MS4A5: variants seen among roughly 807,000 people sequenced by gnomAD.
MS4A5 encodes the protein membrane spanning 4-domains A5.
MS4A5 carries 15 observed loss-of-function variants against 18.2 expected under a neutral mutation model. That is an observed-to-expected ratio of 0.83 (90% CI 0.55 to 1.27). MS4A5 has a LOEUF of 1.27. Ranked by LOEUF, MS4A5 falls within the 50% of genes most tolerant of loss-of-function variation. The probability of loss-of-function intolerance (pLI) is 0.00; values close to 1 mark genes in which losing one functional copy is unlikely to be tolerated. For synonymous variants in MS4A5, 89 were observed against 78.7 expected (o/e 1.13, Z -0.69); for missense variants, 232 against 225.7 (o/e 1.03, Z -0.18).
intron 4 of MS4A5, among the ~76,000 whole-genome samples, chr11:60,434,123 G>A (rs2086066206): frequency 6.6e-6 from 1 of 151,672 alleles, no homozygotes; most frequent in African/African-American, 2.4e-5. Context: ...CCACCTTTAG[G>A]AATTCACAGG....
intron 4 of MS4A5, among the ~76,000 whole-genome samples, chr11:60,437,687 T>C (rs2086088441): frequency 1.3e-5 from 2 of 151,138 alleles, no homozygotes; most frequent in African/African-American, 2.4e-5. Flanking sequence ...GGCCATTACA[T>C]AATGGTAAAG....
chr11:60,447,106 T>G (rs2086143024), intron 4 of MS4A5, among the ~76,000 whole-genome samples: 1 of 149,348 alleles, frequency 6.7e-6, no homozygotes, highest in African/African-American at 2.5e-5. Flanking sequence ...CTATGCTATG[T>G]TAGCTATCCT....
chr11:60,447,756 T>C lies in MS4A5; in HGVS notation c.600T>C (p.Cys200=). The stretch of plus-strand genomic sequence containing the variant: ...AGGATTGTGATTGTGAACAATGTTG[T>C]TGACTAGCACTGTGAGAATAAAGAT... The part of the protein sequence containing the change: ...HSEDCDCEQC[C] Residue 200 remains cysteine (C), a synonymous_variant, in exon 5 of 5, where the codon TGT becomes TGC. Coordinates refer to ENST00000300190, the MANE Select transcript of MS4A5 (RefSeq NM_023945.3). 1 of 1,551,310 alleles carries C rather than the reference T, an allele frequency of 6.4e-7. No individual in the cohort carries two copies. The highest frequency in any genetic ancestry group is 8.8e-7 in the Non-Finnish European group (1 of 1,134,286).
chr11:60,441,071 T>TA (rs35499847), intron 4 of MS4A5, among the ~76,000 whole-genome samples: 9,653 of 59,372 alleles, frequency 0.16, 1,051 homozygotes, highest in Admixed American at 0.24. Flanking sequence ...ATGTGGCATA[T>TA]ATACACCATG....
chr11:60,433,101 C>T (rs1042560569), intron 3 of MS4A5, among the ~76,000 whole-genome samples: 2 of 152,168 alleles, frequency 1.3e-5, no homozygotes, highest in African/African-American at 4.8e-5. Flanking sequence ...TTTCAACATT[C>T]CAGTTACTTA....
intron 4 of MS4A5, among the ~76,000 whole-genome samples, chr11:60,443,035 G>C (rs1373800811): frequency 6.6e-6 from 1 of 152,072 alleles, no homozygotes; most frequent in Admixed American, 6.6e-5. Flanking sequence ...CAGCTACTCG[G>C]GAAGCTGAGG....
intron 4 of MS4A5, among the ~76,000 whole-genome samples, chr11:60,447,154 C>CCTATGTTATGCTATG (rs1565189895): frequency 8.6e-5 from 7 of 81,286 alleles, no homozygotes; most frequent in Non-Finnish European, 2.3e-4. Flanking sequence ...GCTATGCTAT[C>CCTATGTTATGCTATG]CTATGCTATC....
At chr11:60,430,974 T>C in intron 2 of MS4A5, 50 bp downstream of exon 2, 1 of 1,575,072 alleles carries the variant, frequency 6.3e-7, no homozygotes, top group Non-Finnish European at 8.6e-7. Context: ...ACCAGGATGT[T>C]AGGGAATTCT....
At chr11:60,440,626 A>G (rs2086106298) in intron 4 of MS4A5, among the ~76,000 whole-genome samples, 1 of 150,810 alleles carries the variant, frequency 6.6e-6, no homozygotes, top group Non-Finnish European at 1.5e-5. Context: ...GGACATGAAC[A>G]GACACTTCTT....
Position 60,447,748 on chromosome 11 carries a change from C to G in MS4A5, c.592C>G (p.Gln198Glu), listed in dbSNP as rs1247199130. ...GCHSEDCDCEQCC is the reference protein window; with the variant it reads ...GCHSEDCDCEECC ...CCACTCAGAGGATTGTGATTGTGAA[C>G]AATGTTGTTGACTAGCACTGTGAGA... The change falls in exon 5 of 5, where the codon CAA becomes GAA. Residue 198 changes from glutamine (Q) to glutamate (E), a missense_variant. Transcript: ENST00000300190. 1 of 1,579,542 alleles carries G rather than the reference C, an allele frequency of 6.3e-7. No homozygotes were observed. Among genetic ancestry groups the G allele is most frequent in the Admixed American group, 1.8e-5 (1 of 54,718 alleles).
chr11:60,438,373 C>A (rs2086092288), intron 4 of MS4A5, among the ~76,000 whole-genome samples: 1 of 151,992 alleles, frequency 6.6e-6, no homozygotes, highest in Non-Finnish European at 1.5e-5. Flanking sequence ...ACTAGACAAG[C>A]AAGAGCAAAC....
At position 60,429,702 on chromosome 11, in the gene MS4A5, G is replaced by A; in HGVS notation, c.28G>A (p.Val10Met). Residue 10 changes from valine to methionine, a missense_variant, in exon 1 of 5, where the codon GTG (valine) becomes ATG (methionine). Transcript: ENST00000300190. MDSSTAHSP[V>M]FLVFPPEITA... is the part of the protein sequence containing the mutation. ...GGATTCAAGCACCGCACACAGTCCGGTGTTTCTGGTATTTCCTCCAGAAAT... is the reference window on the plus strand; with the variant it reads ...GGATTCAAGCACCGCACACAGTCCGATGTTTCTGGTATTTCCTCCAGAAAT... The A allele has an allele frequency of 1.9e-6, 3 of 1,613,660 alleles. No homozygotes were observed. Among genetic ancestry groups the A allele is most frequent in the Non-Finnish European group, 2.5e-6 (3 of 1,179,906 alleles).
At chr11:60,447,225 C>T (rs150164831) in intron 4 of MS4A5, among the ~76,000 whole-genome samples, 1,700 of 151,612 alleles carry the variant, frequency 0.011, 75 homozygotes, top group Admixed American at 0.085. Context: ...CTATGCTATC[C>T]TATGCTATGC....
At chr11:60,438,187 G>A (rs894522637) in intron 4 of MS4A5, among the ~76,000 whole-genome samples, 4 of 152,064 alleles carry the variant, frequency 2.6e-5, no homozygotes, top group African/African-American at 9.7e-5. Flanking sequence ...GGTACATAAT[G>A]AAATGAAGGC....
rs1283989337 is a variant in MS4A5, at chr11:60,447,053, C to CATGCT, written c.493-578_493-574dup. On this transcript the variant is annotated intron_variant, in intron 4 of 4. Transcript: ENST00000300190. The stretch of plus-strand genomic sequence containing the variant: ...TATGCTATGCTATGCTATGCTATCC[C>CATGCT]ATGCTATGCTATGCTATGCTATCCT... Among the ~76,000 whole-genome samples, 447 of 139,406 alleles carry CATGCT rather than the reference C, an allele frequency of 3.2e-3. 1 individual carries two copies. The highest frequency in any genetic ancestry group is 0.013 in the African/African-American group (434 of 34,402). 91.5% of individuals were successfully genotyped at this position (139,406 alleles called of 152,430 possible).
chr11:60,444,395 C>T (rs1000136976), intron 4 of MS4A5, among the ~76,000 whole-genome samples: 6 of 151,904 alleles, frequency 3.9e-5, no homozygotes, highest in South Asian at 2.1e-4. Context: ...AATATCTTCA[C>T]GACCATGGTA....
chr11:60,441,667 G>T (rs796752385), intron 4 of MS4A5, among the ~76,000 whole-genome samples: 2 of 142,394 alleles, frequency 1.4e-5, no homozygotes, highest in African/African-American at 5.1e-5. Flanking sequence ...AAATACCTCA[G>T]GGAATATAAA....
chr11:60,444,411 C>T (rs2086128952), intron 4 of MS4A5, among the ~76,000 whole-genome samples: 1 of 151,792 alleles, frequency 6.6e-6, no homozygotes, highest in Non-Finnish European at 1.5e-5. Context: ...TGGTAGTAGA[C>T]AAAGCTTTCT....
At chr11:60,431,259 T>C (rs575497182) in intron 2 of MS4A5, among the ~76,000 whole-genome samples, 3 of 152,326 alleles carry the variant, frequency 2.0e-5, no homozygotes, top group East Asian at 1.9e-4. Flanking sequence ...CAAGAAAACA[T>C]GTAAACAGGT....
Sources: gnomAD v4.1 joint callset for allele counts (sites outside exome capture counted in the v4.1 genomes callset) on GRCh38, gnomAD v4.1.1 for gene constraint, MANE v1.5 for transcripts, NCBI Gene and HGNC (gene_info 2026-07-23, HGNC 2026-07-21) for gene names.